Variants in TSPAN12 observed in about 807,000 individuals in gnomAD.
The protein encoded by TSPAN12 is tetraspanin 12.
Under a neutral mutation model 39.2 loss-of-function variants are expected in TSPAN12, and 19 were observed. The ratio of observed to expected loss-of-function variants is 0.49; its 90% CI spans 0.34 to 0.71. The LOEUF is 0.71. TSPAN12 is among the 30% of genes least tolerant of loss of function. The pLI, the probability that TSPAN12 is intolerant of heterozygous loss-of-function variation, is 0.01. For missense variants in TSPAN12, 314 were observed against 359.9 expected (o/e 0.87, Z 1.03); for synonymous variants, 119 against 124.8 (o/e 0.95, Z 0.31).
chr7:120,815,088 A>AT (rs1794054144), intron 5 of TSPAN12, among the ~76,000 whole-genome samples: 1 of 152,228 alleles, frequency 6.6e-6, no homozygotes, highest in African/African-American at 2.4e-5. Context: ...AACATATACT[A>AT]TATTTAGTCT....
At chr7:120,815,642 G>T in intron 5 of TSPAN12, 87 bp downstream of exon 5, 2 of 1,194,288 alleles carry the variant, frequency 1.7e-6, no homozygotes, top group Non-Finnish European at 2.4e-6. Context: ...TTCTTTCATA[G>T]CGGAGTGAAA....
At chr7:120,834,524 T>G (rs1378187620) in intron 4 of TSPAN12, among the ~76,000 whole-genome samples, 1 of 152,196 alleles carries the variant, frequency 6.6e-6, no homozygotes, top group African/African-American at 2.4e-5. Flanking sequence ...TTGATCAGTC[T>G]GTTGAATAAT....
intron 5 of TSPAN12, among the ~76,000 whole-genome samples, chr7:120,812,447 A>G (rs990164266): frequency 6.6e-6 from 1 of 152,224 alleles, no homozygotes; most frequent in Non-Finnish European, 1.5e-5. Flanking sequence ...ACCAAAAAGG[A>G]AAAAAGGGAG....
chr7:120,800,543 T>C (rs1352617656), intron 7 of TSPAN12, among the ~76,000 whole-genome samples: 3 of 152,084 alleles, frequency 2.0e-5, no homozygotes, highest in African/African-American at 2.4e-5. Context: ...TAAGGTTTGA[T>C]AGAATCCCAT....
intron 4 of TSPAN12, 45 bp downstream of exon 4, chr7:120,838,732 G>T (rs1455991123): frequency 6.3e-7 from 1 of 1,581,562 alleles, no homozygotes; most frequent in East Asian, 2.2e-5. Context: ...ATATATTACT[G>T]GTTAATCTTT....
At chr7:120,799,630 AT>A (rs1419582219) in intron 7 of TSPAN12, among the ~76,000 whole-genome samples, 412 of 98,696 alleles carry the variant, frequency 4.2e-3, no homozygotes, top group Non-Finnish European at 5.4e-3. Context: ...AAATATAATT[AT>A]TATATATACT....
chr7:120,833,661 A>G (rs568129934), intron 4 of TSPAN12, among the ~76,000 whole-genome samples: 7 of 152,292 alleles, frequency 4.6e-5, no homozygotes, highest in African/African-American at 1.4e-4. Context: ...TCTGACAAGC[A>G]CTTGACTGCT....
chr7:120,837,035 T>G (rs991902821), intron 4 of TSPAN12, among the ~76,000 whole-genome samples: 1 of 152,150 alleles, frequency 6.6e-6, no homozygotes, highest in Admixed American at 6.5e-5. Flanking sequence ...CTTAATTGGT[T>G]ATGCAAGAGA....
In TSPAN12 at chr7:120,788,754, TCTATCATAATACAGAGCC is replaced by T; in HGVS notation, c.738_755del (p.Trp246_Arg252delinsTer). ...TCATTTGGTCTGTCCCCGGCTCCCT[TCTATCATAATACAGAGCC>T]CAGAGCAGAGTAATGGTGAGAATCA... On this transcript the variant is annotated stop_gained and inframe_deletion, in exon 8 of 8. Transcript: ENST00000222747. LOFTEE classifies it high-confidence loss of function. 6.2e-7 allele frequency: 1 copy of T among 1,614,122 alleles called. No homozygotes were observed. Among genetic ancestry groups the T allele is most frequent in the Non-Finnish European group, 8.5e-7 (1 of 1,180,014 alleles).
intron 4 of TSPAN12, among the ~76,000 whole-genome samples, chr7:120,822,200 A>G (rs1252215015): frequency 6.6e-6 from 1 of 152,092 alleles, no homozygotes; most frequent in Non-Finnish European, 1.5e-5. Context: ...CGTAGAAACA[A>G]AGAGGATTAA....
At chr7:120,825,232 A>G (rs1794263119) in intron 4 of TSPAN12, among the ~76,000 whole-genome samples, 1 of 152,190 alleles carries the variant, frequency 6.6e-6, no homozygotes, top group South Asian at 2.1e-4. Context: ...CTACACTGAA[A>G]GAAAAGTAAA....
intron 2 of TSPAN12, among the ~76,000 whole-genome samples, chr7:120,855,006 A>G (rs577315015): frequency 4.3e-4 from 66 of 152,344 alleles, no homozygotes; most frequent in African/African-American, 1.5e-3. Flanking sequence ...TGGGGACACA[A>G]AGAGCCCTGG....
At chr7:120,847,579 G>C (rs934126266) in intron 2 of TSPAN12, among the ~76,000 whole-genome samples, 4 of 152,118 alleles carry the variant, frequency 2.6e-5, no homozygotes, top group Non-Finnish European at 5.9e-5. Flanking sequence ...CTAGAGACTT[G>C]GCAGGGAAGC....
At chr7:120,831,666 AG>A (rs1036927194) in intron 4 of TSPAN12, among the ~76,000 whole-genome samples, 1 of 152,008 alleles carries the variant, frequency 6.6e-6, no homozygotes, top group Non-Finnish European at 1.5e-5. Context: ...GGAGGGTGAA[AG>A]GATGATTAAT....
chr7:120,804,634 A>G (rs1395389403), intron 7 of TSPAN12, among the ~76,000 whole-genome samples: 3 of 152,194 alleles, frequency 2.0e-5, no homozygotes, highest in Non-Finnish European at 4.4e-5. Flanking sequence ...GAATTATTCA[A>G]CTGTTTGAAT....
chr7:120,790,388 G>A (rs1793499197), intron 7 of TSPAN12, among the ~76,000 whole-genome samples: 1 of 152,154 alleles, frequency 6.6e-6, no homozygotes. Context: ...GATGTTGGGA[G>A]GATTAAATGC....
rs1172058424 is a variant in TSPAN12, at chr7:120,838,764, T to TATAACATC, written c.285+5_285+12dup. 1 of 1,612,206 alleles carries TATAACATC rather than the reference T, an allele frequency of 6.2e-7. No individual in the cohort carries two copies. The highest frequency in any genetic ancestry group is 1.3e-5 in the African/African-American group (1 of 74,802). On this transcript the variant is annotated intron_variant, in intron 4 of 7. Coordinates refer to ENST00000222747, the MANE Select transcript of TSPAN12 (RefSeq NM_012338.4). Reference sequence around the variant, plus strand: ...CTTTTTAACTATAATAAAGAGAAAATATAACATCATACCCATGCAAGAAGC... The same window carrying TATAACATC: ...CTTTTTAACTATAATAAAGAGAAAATATAACATCATAACATCATACCCATGCAAGAAGC...
intron 2 of TSPAN12, among the ~76,000 whole-genome samples, chr7:120,854,522 A>G (rs1478970376): frequency 1.3e-5 from 2 of 152,226 alleles, no homozygotes; most frequent in Non-Finnish European, 2.9e-5. Context: ...TATGATTCCT[A>G]TTTTACAGGC....
At chr7:120,831,291 T>C (rs570480073) in intron 4 of TSPAN12, among the ~76,000 whole-genome samples, 2 of 152,204 alleles carry the variant, frequency 1.3e-5, no homozygotes, top group African/African-American at 4.8e-5. Context: ...ATCTCACTTC[T>C]GAGTGTACAT....
Sources: gnomAD v4.1 joint callset for allele counts (sites outside exome capture counted in the v4.1 genomes callset) on GRCh38, gnomAD v4.1.1 for gene constraint, MANE v1.5 for transcripts, NCBI Gene and HGNC (gene_info 2026-07-23, HGNC 2026-07-21) for gene names.